NCALD: variants seen among roughly 807,000 people sequenced by gnomAD.
NCALD encodes neurocalcin-delta.
NCALD carries 10 observed loss-of-function variants against 18.6 expected under a neutral mutation model. The ratio of observed to expected loss-of-function variants is 0.54; its 90% CI spans 0.33 to 0.91. The LOEUF is 0.91. NCALD is among the 40% of genes least tolerant of loss of function. The pLI, the probability that NCALD is intolerant of heterozygous loss-of-function variation, is 0.03. For missense variants in NCALD, 184 were observed against 247.6 expected (o/e 0.74, Z 1.72); for synonymous variants, 88 against 87.4 (o/e 1.01, Z -0.04).
chr8:101,713,126 C>A (rs1420703948), intron 2 of NCALD, among the ~76,000 whole-genome samples: 1 of 152,184 alleles, frequency 6.6e-6, no homozygotes, highest in Non-Finnish European at 1.5e-5. Context: ...AAGAAACTCA[C>A]ACAAAACTGC....
chr8:102,000,002 G>A (rs1031241289), intron 2 of NCALD, among the ~76,000 whole-genome samples: 76 of 152,280 alleles, frequency 5.0e-4, no homozygotes, highest in Non-Finnish European at 1.0e-4. Flanking sequence ...CTGAGGTACC[G>A]GGTGTATCTC....
At chr8:102,113,660 G>T (rs1825700189) in intron 1 of NCALD, among the ~76,000 whole-genome samples, 1 of 152,130 alleles carries the variant, frequency 6.6e-6, no homozygotes, top group Non-Finnish European at 1.5e-5. Context: ...GTCCCCATTT[G>T]TGCCTGCTGT....
At chr8:101,745,061 C>T (rs1335558729) in intron 1 of NCALD, among the ~76,000 whole-genome samples, 2 of 151,562 alleles carry the variant, frequency 1.3e-5, no homozygotes, top group Non-Finnish European at 2.9e-5. Context: ...GGGGACTATT[C>T]ATTTCACCGA....
chr8:101,847,501 C>T (rs192441630), intron 4 of NCALD: 1 of 152,294 alleles, frequency 6.6e-6, no homozygotes, highest in Non-Finnish European at 1.5e-5. Context: ...GGCATCATGG[C>T]TGTCATGTCA....
At chr8:102,058,238 C>T (rs904382302) in intron 1 of NCALD, among the ~76,000 whole-genome samples, 9 of 152,200 alleles carry the variant, frequency 5.9e-5, no homozygotes, top group African/African-American at 2.2e-4. Context: ...ATGCACCCCT[C>T]AGGCAATGAG....
chr8:102,101,290 C>G (rs2132413783), intron 1 of NCALD, among the ~76,000 whole-genome samples: 1 of 152,242 alleles, frequency 6.6e-6, no homozygotes, highest in Non-Finnish European at 1.5e-5. Context: ...TCAGGAGAAG[C>G]CTGAAATCCG....
At chr8:101,896,121 A>G (rs1353465665) in intron 3 of NCALD, among the ~76,000 whole-genome samples, 2 of 151,478 alleles carry the variant, frequency 1.3e-5, no homozygotes, top group Non-Finnish European at 1.5e-5. Context: ...ACTATACTAC[A>G]AGGCTACAGT....
chr8:101,886,618 G>T (rs756586962), intron 4 of NCALD, among the ~76,000 whole-genome samples: 1 of 152,132 alleles, frequency 6.6e-6, no homozygotes, highest in African/African-American at 2.4e-5. Flanking sequence ...AAGTAATAAT[G>T]TTCCTATTCT....
At chr8:102,118,001 C>T (rs539909977) in intron 1 of NCALD, among the ~76,000 whole-genome samples, 3 of 152,338 alleles carry the variant, frequency 2.0e-5, no homozygotes, top group South Asian at 2.1e-4. Context: ...ATCATTCAAC[C>T]TCTCAATGCC....
In NCALD at chr8:101,806,535, G is replaced by A. The variant is rs551274316; in HGVS notation, c.-20+80606C>T. Among the ~76,000 whole-genome samples, 5 of 152,186 alleles carry A rather than the reference G, an allele frequency of 3.3e-5. No individual in the cohort carries two copies. In the South Asian group the frequency reaches 1.0e-3, roughly 32 times the overall value. On this transcript the variant is annotated intron_variant, in intron 4 of 6. Transcript: ENST00000311028. ...AGAAATTATATTAAAAAACCAACTG[G>A]AAATGCCAGAGTTTAAAAGTAGAAT...
At position 101,760,623 on chromosome 8, in the gene NCALD, T is replaced by C. The variant is rs544019544; in HGVS notation, c.-20+30239A>G. Among the ~76,000 whole-genome samples the C allele has an allele frequency of 1.6e-4, 24 of 152,324 alleles. 1 individual carries two copies. The highest frequency in any genetic ancestry group is 1.0e-3 in the Admixed American group (16 of 15,298). On this transcript the variant is annotated intron_variant, in intron 1 of 3. Coordinates refer to ENST00000220931, the MANE Select transcript of NCALD (RefSeq NM_032041.3). ...AATTCCAGAACCACAGCGCATAGGC[T>C]GTTTCTGTCAAGTCCATACAGCAAC... is the stretch of plus-strand genomic sequence containing the variant.
rs771988570 is a variant in NCALD at position 101,886,335 on chromosome 8, ATTTAT to A, written c.-20+801_-20+805del. 8.5e-5 allele frequency among the ~76,000 whole-genome samples: 13 copies of A among 152,188 alleles called. No individual in the cohort carries two copies. The East Asian group carries it at 1.7e-3, about 20-fold the overall frequency. On this transcript the variant is annotated intron_variant, in intron 4 of 6. Coordinates refer to the NCALD transcript ENST00000311028. Reference sequence around the variant, plus strand: ...ATATCAATGTATCTGCCCTGCCCCCATTTATTTTATTTTCTCCATTTGTTCCTCAT... The same window carrying A: ...ATATCAATGTATCTGCCCTGCCCCCATTTATTTTCTCCATTTGTTCCTCAT...
chr8:101,804,856 T>C (rs1813040977), intron 4 of NCALD, among the ~76,000 whole-genome samples: 1 of 151,624 alleles, frequency 6.6e-6, no homozygotes, highest in Non-Finnish European at 1.5e-5. Flanking sequence ...TTTCACTTTA[T>C]TGCAGTGGGC....
intron 3 of NCALD, among the ~76,000 whole-genome samples, chr8:101,894,280 T>C (rs1817048278): frequency 8.0e-6 from 1 of 124,556 alleles, no homozygotes; most frequent in Non-Finnish European, 1.6e-5. Context: ...CATAACGAAA[T>C]GAAGGCAGAA....
At chr8:101,693,083 C>A (rs145199598) in intron 2 of NCALD, 187 bp from the exon 3 acceptor site, 6 of 503,760 alleles carry the variant, frequency 1.2e-5, no homozygotes, top group African/African-American at 7.8e-5. Context: ...AAAGCTTGTT[C>A]TCCTCCAGTG....
chr8:101,892,508 ATGGAGAATGACTT>A (rs1199718791), intron 3 of NCALD, among the ~76,000 whole-genome samples: 2 of 149,642 alleles, frequency 1.3e-5, no homozygotes, highest in African/African-American at 5.1e-5. Context: ...ACAAAGCTGG[ATGGAGAATGACTT>A]TGACAAATTG....
chr8:101,848,235 C>T (rs945179721), intron 4 of NCALD, among the ~76,000 whole-genome samples: 1 of 152,114 alleles, frequency 6.6e-6, no homozygotes, highest in Admixed American at 6.6e-5. Context: ...CCTTCCTTTT[C>T]CTATGGCACC....
At chr8:101,839,226 T>C (rs1343098474) in intron 4 of NCALD, among the ~76,000 whole-genome samples, 1 of 151,510 alleles carries the variant, frequency 6.6e-6, no homozygotes, top group Non-Finnish European at 1.5e-5. Flanking sequence ...GTGCAGGAAG[T>C]GTTGTTGGCA....
At chr8:101,701,901 ATTTTCAGGAAATAC>A (rs1815286316) in intron 2 of NCALD, among the ~76,000 whole-genome samples, 2 of 152,290 alleles carry the variant, frequency 1.3e-5, no homozygotes, top group African/African-American at 4.8e-5. Context: ...GAATGAAAAT[ATTTTCAGGAAATAC>A]TTTTAAAATA....
Sources: allele counts gnomAD v4.1 joint callset (sites outside exome capture counted in the v4.1 genomes callset), GRCh38; gene constraint gnomAD v4.1.1; transcripts MANE v1.5; gene names NCBI Gene and HGNC (gene_info 2026-07-23, HGNC 2026-07-21).